SUB1: variants seen among roughly 807,000 people sequenced by gnomAD.
SUB1 encodes SUB1 regulator of transcription, also known as activated RNA polymerase II transcriptional coactivator p15.
Under a neutral mutation model 16.9 loss-of-function variants are expected in SUB1, and 1 was observed. The observed-to-expected ratio is 0.06, with a 90% confidence interval of 0.02 to 0.28. SUB1 has a LOEUF of 0.28. SUB1 is among the 10% of genes least tolerant of loss of function. The pLI is 1.00. For synonymous variants in SUB1, 51 were observed against 46.9 expected, an observed-to-expected ratio of 1.09 and a Z score of -0.36; for missense variants, 84 against 145.2, an observed-to-expected ratio of 0.58 and a Z score of 2.16.
chr5:32,590,785 T>TTTTTTTTTTTTTTTTTTGG (rs1561033588), intron 2 of SUB1, among the ~76,000 whole-genome samples: 1 of 131,860 alleles, frequency 7.6e-6, no homozygotes, highest in Non-Finnish European at 1.6e-5. Context: ...TTTTTTTTTT[T>TTTTTTTTTTTTTTTTTTGG]GAGATGGAGT....
At chr5:32,586,138 G>C (rs1216931236) in intron 1 of SUB1, 4 of 152,176 alleles carry the variant, frequency 2.6e-5, no homozygotes, top group Admixed American at 1.3e-4. Flanking sequence ...TGCAAATCCC[G>C]CCCCTTCCCA....
intron 3 of SUB1, chr5:32,595,428 A>G (rs1738935258): frequency 1.3e-5 from 2 of 152,220 alleles, no homozygotes; most frequent in Admixed American, 6.5e-5. Flanking sequence ...AAATGGATAC[A>G]TGCAGTCTAT....
At chr5:32,591,791 C>G in intron 3 of SUB1, 106 bp downstream of exon 3, 1 of 1,323,204 alleles carries the variant, frequency 7.6e-7, no homozygotes, top group Non-Finnish European at 9.9e-7. Flanking sequence ...ACCTCAGCCT[C>G]CTGAGTTCAA....
intron 1 of SUB1, 113 bp downstream of exon 1, chr5:32,585,738 GC>G (rs1738638531): frequency 6.6e-6 from 1 of 151,350 alleles, no homozygotes; most frequent in African/African-American, 2.5e-5. Context: ...GCGGGAAATG[GC>G]GGCTCTGCCT....
chr5:32,599,828 T>G (rs1007892677), intron 4 of SUB1, among the ~76,000 whole-genome samples: 1 of 152,240 alleles, frequency 6.6e-6, no homozygotes, highest in Non-Finnish European at 1.5e-5. Context: ...TTTATTCTTT[T>G]TTTTCAATTT....
rs146679295 is a variant in SUB1 at position 32,599,181 on chromosome 5, C to T, written c.304+112C>T. ...ACACGGGGCAAGGAAGAGTCTTACTCAATTGATTCTCTATCTTCTGTAGTT... is the reference window on the plus strand; with the variant it reads ...ACACGGGGCAAGGAAGAGTCTTACTTAATTGATTCTCTATCTTCTGTAGTT... On this transcript the variant is annotated intron_variant, in intron 4 of 4. Transcript: ENST00000265073. 542 of 713,292 alleles carry T rather than the reference C, an allele frequency of 7.6e-4. 3 individuals carry two copies. The African/African-American group carries it at 9.2e-3, about 12-fold the overall frequency. 44.2% of individuals were successfully genotyped at this position (713,292 alleles called of 1,614,324 possible). A position where few individuals can be genotyped will look rare whatever the true frequency, so the allele number is the denominator to read the frequency against.
In SUB1 at chr5:32,603,296, T is replaced by C. The variant is rs1275983809; in HGVS notation, c.*2212T>C. 2 of 152,180 alleles carry C rather than the reference T, an allele frequency of 1.3e-5. No homozygotes were observed. The highest frequency in any genetic ancestry group is 1.5e-5 in the Non-Finnish European group (1 of 67,998). The allele number at this position is 152,180 out of a possible 1,614,324, so 9.4% of individuals were successfully genotyped here. A position where few individuals can be genotyped will look rare whatever the true frequency, so the allele number is the denominator to read the frequency against. The stretch of plus-strand genomic sequence containing the variant: ...AAAGAAAGTATAGATTAATTTTGTT[T>C]TCTGTTTAAATTTTATCTCCTTGGT... On this transcript the variant is annotated 3_prime_UTR_variant, in exon 5 of 5. Coordinates refer to ENST00000265073, the MANE Select transcript of SUB1 (RefSeq NM_006713.4).
chr5:32,590,641 G>T (rs1561033456), intron 2 of SUB1, among the ~76,000 whole-genome samples: 1 of 151,536 alleles, frequency 6.6e-6, no homozygotes, highest in African/African-American at 2.4e-5. Flanking sequence ...TGTTGCCCAG[G>T]CTGGAGTGTA....
intron 3 of SUB1, chr5:32,596,084 A>G (rs1579515933): frequency 6.6e-6 from 1 of 152,190 alleles, no homozygotes; most frequent in Non-Finnish European, 1.5e-5. Flanking sequence ...TTTCAAAGCA[A>G]TCTAGTTCAA....
At chr5:32,588,960 T>C (rs1738746095) in intron 2 of SUB1, among the ~76,000 whole-genome samples, 1 of 152,224 alleles carries the variant, frequency 6.6e-6, no homozygotes, top group Non-Finnish European at 1.5e-5. Flanking sequence ...ACAAGTCTTC[T>C]GTTGAGCATC....
intron 3 of SUB1, 63 bp from the exon 4 acceptor site, chr5:32,598,898 T>C (rs962109488): frequency 2.3e-6 from 3 of 1,277,366 alleles, no homozygotes; most frequent in Non-Finnish European, 3.4e-6. Context: ...TGAATATGAA[T>C]ACAATTGAAA....
intron 2 of SUB1, 47 bp downstream of exon 2, chr5:32,588,631 G>A (rs1262958218): frequency 1.3e-6 from 2 of 1,549,240 alleles, no homozygotes; most frequent in African/African-American, 1.4e-5. Flanking sequence ...CAACAATATT[G>A]TCCATATCCC....
chr5:32,588,594 G>C lies in SUB1; in HGVS notation c.72+10G>C. On this transcript the variant is annotated intron_variant, in intron 2 of 4. Transcript: ENST00000265073. ...TGAGGTTGACAAAAAGGTGACTACT[G>C]CTGCACCAAGTCATTTTGGTGATAC... is the stretch of plus-strand genomic sequence containing the variant. 1 of 1,610,990 alleles carries C rather than the reference G, an allele frequency of 6.2e-7. No homozygotes were observed. The highest frequency in any genetic ancestry group is 8.5e-7 in the Non-Finnish European group (1 of 1,178,232).
chr5:32,588,276 T>C (rs994186688), intron 1 of SUB1, among the ~76,000 whole-genome samples: 2 of 152,082 alleles, frequency 1.3e-5, no homozygotes, highest in African/African-American at 4.8e-5. Context: ...GGTGTAGGAG[T>C]GTATGACATT....
intron 4 of SUB1, among the ~76,000 whole-genome samples, 185 bp downstream of exon 4, chr5:32,599,254 A>T (rs1739056805): frequency 6.6e-6 from 1 of 152,214 alleles, no homozygotes; most frequent in Non-Finnish European, 1.5e-5. Flanking sequence ...GTCTTAATAC[A>T]GCTTTTGGGA....
At chr5:32,593,247 C>T (rs1019586944) in intron 3 of SUB1, among the ~76,000 whole-genome samples, 1 of 152,160 alleles carries the variant, frequency 6.6e-6, no homozygotes, top group African/African-American at 2.4e-5. Context: ...TCAAGTGATG[C>T]GCCCACCTTG....
chr5:32,596,520 G>A (rs1738968605), intron 3 of SUB1: 1 of 152,074 alleles, frequency 6.6e-6, no homozygotes, highest in Non-Finnish European at 1.5e-5. Context: ...TATAGTTTTA[G>A]TTTTCACATT....
At chr5:32,594,545 T>C (rs1348525428) in intron 3 of SUB1, 1 of 448,494 alleles carries the variant, frequency 2.2e-6, no homozygotes, top group Non-Finnish European at 4.5e-6. Flanking sequence ...GTTTTTTAAT[T>C]TGAGTTTTCT....
At position 32,591,543 on chromosome 5, in the gene SUB1, T is replaced by G; in HGVS notation, c.73-20T>G. ...TGTTTTATTTTTATGTGTGCAAATT[T>G]TAACCATATTCTTTTCTAGTTAAAG... On this transcript the variant is annotated intron_variant, in intron 2 of 4. Transcript: ENST00000265073. The G allele has an allele frequency of 6.3e-7, 1 of 1,577,500 alleles. No individual in the cohort carries two copies. Among genetic ancestry groups the G allele is most frequent in the African/African-American group, 1.4e-5 (1 of 72,586 alleles).
Sources: gnomAD v4.1 joint callset for allele counts (sites outside exome capture counted in the v4.1 genomes callset) on GRCh38, gnomAD v4.1.1 for gene constraint, MANE v1.5 for transcripts, NCBI Gene and HGNC (gene_info 2026-07-23, HGNC 2026-07-21) for gene names.